Variants in PRMT8 observed in about 807,000 individuals in gnomAD.
PRMT8 encodes protein arginine N-methyltransferase 8.
PRMT8 carries 7 observed loss-of-function variants against 47.1 expected under a neutral mutation model. That is an observed-to-expected ratio of 0.15 (90% CI 0.08 to 0.28). The LOEUF (loss-of-function observed/expected upper bound fraction) is 0.28. Ranked by LOEUF, PRMT8 falls within the 10% of genes least tolerant of loss-of-function variation. PRMT8 has a pLI of 1.00. For synonymous variants in PRMT8, 188 were observed against 186.5 expected, an observed-to-expected ratio of 1.01 and a Z score of -0.07; for missense variants, 237 against 505.4, an observed-to-expected ratio of 0.47 and a Z score of 5.09.
intron 1 of PRMT8, among the ~76,000 whole-genome samples, chr12:3,413,289 C>A (rs1483711499): frequency 6.6e-6 from 1 of 152,186 alleles, no homozygotes; most frequent in African/African-American, 2.4e-5. Context: ...TTGCCTGCTG[C>A]CATATAGGAT....
intron 1 of PRMT8, among the ~76,000 whole-genome samples, chr12:3,437,426 G>T (rs1864755891): frequency 6.6e-6 from 1 of 151,816 alleles, no homozygotes; most frequent in African/African-American, 2.4e-5. Context: ...TAGGTACATT[G>T]TGCGTCCTAG....
intron 1 of PRMT8, among the ~76,000 whole-genome samples, chr12:3,474,310 T>G (rs1438843771): frequency 6.6e-6 from 1 of 152,188 alleles, no homozygotes; most frequent in Non-Finnish European, 1.5e-5. Flanking sequence ...TAAGCTTCTG[T>G]GTTTTTTTGT....
chr12:3,461,954 A>C (rs1190160970), intron 1 of PRMT8, among the ~76,000 whole-genome samples: 1 of 152,070 alleles, frequency 6.6e-6, no homozygotes, highest in Non-Finnish European at 1.5e-5. Context: ...AGATAAACTC[A>C]TGTCACGAGG....
chr12:3,506,868 T>C (rs1335434279), intron 1 of PRMT8, among the ~76,000 whole-genome samples: 1 of 151,222 alleles, frequency 6.6e-6, no homozygotes, highest in Non-Finnish European at 1.5e-5. Flanking sequence ...GAGGCATGGA[T>C]AGGAGGTAGG....
At chr12:3,544,282 T>A (rs1032387282) in intron 2 of PRMT8, among the ~76,000 whole-genome samples, 11 of 152,128 alleles carry the variant, frequency 7.2e-5, no homozygotes, top group African/African-American at 2.2e-4. Flanking sequence ...AGGGGAAGCC[T>A]TGCTAAGTCA....
At chr12:3,421,411 T>C (rs1864539210) in intron 1 of PRMT8, among the ~76,000 whole-genome samples, 1 of 152,178 alleles carries the variant, frequency 6.6e-6, no homozygotes, top group Admixed American at 6.5e-5. Flanking sequence ...GCCATCACCA[T>C]CCTGCCGGGG....
intron 8 of PRMT8, among the ~76,000 whole-genome samples, chr12:3,587,949 G>A (rs1867215421): frequency 6.6e-6 from 1 of 151,248 alleles, no homozygotes; most frequent in East Asian, 1.9e-4. Flanking sequence ...GGCAGCCAGT[G>A]GGCACGGTGC....
chr12:3,384,075 T>C (rs1420607896), intron 1 of PRMT8, among the ~76,000 whole-genome samples: 2 of 152,230 alleles, frequency 1.3e-5, no homozygotes, highest in African/African-American at 2.4e-5. Context: ...TATTCTTGTC[T>C]TATTGCACTG....
chr12:3,406,105 C>A (rs1037878580), intron 1 of PRMT8, among the ~76,000 whole-genome samples: 2 of 152,276 alleles, frequency 1.3e-5, no homozygotes, highest in African/African-American at 4.8e-5. Flanking sequence ...CACGTACCCA[C>A]AGGAGCAACA....
At chr12:3,449,250 C>G (rs1480371810) in intron 1 of PRMT8, among the ~76,000 whole-genome samples, 3 of 152,156 alleles carry the variant, frequency 2.0e-5, no homozygotes, top group African/African-American at 7.2e-5. Context: ...TGGGTATATA[C>G]CCAGTAATGG....
intron 1 of PRMT8, among the ~76,000 whole-genome samples, chr12:3,519,479 A>G (rs1865848005): frequency 6.6e-6 from 1 of 152,134 alleles, no homozygotes; most frequent in African/African-American, 2.4e-5. Flanking sequence ...GAACTGGGGG[A>G]TGCAAGTGAG....
rs1389265228 is a variant in PRMT8, at chr12:3,583,559, G to A, written c.979+351G>A. ...GGTGGGTATGGATGGAGTTGAATAA[G>A]CCTAGTCTGCACTGCCATGCCTCTG... On this transcript the variant is annotated intron_variant, in intron 8 of 9. Transcript: ENST00000382622. This position sits in a 1 kb window ranked among gnomAD's most constrained non-coding sequence, Gnocchi z 4.7. Among the ~76,000 whole-genome samples the A allele has an allele frequency of 6.6e-6, 1 of 152,184 alleles. No individual in the cohort carries two copies. The highest frequency in any genetic ancestry group is 1.9e-4 in the East Asian group (1 of 5,190).
intron 1 of PRMT8, among the ~76,000 whole-genome samples, chr12:3,398,038 G>GT (rs1269631357): frequency 1.3e-5 from 2 of 152,212 alleles, no homozygotes; most frequent in Non-Finnish European, 2.9e-5. Flanking sequence ...CGCTTCCCGA[G>GT]GAGGCAATGC....
intron 1 of PRMT8, among the ~76,000 whole-genome samples, chr12:3,418,093 C>T (rs183378261): frequency 6.6e-6 from 1 of 152,334 alleles, no homozygotes; most frequent in African/African-American, 2.4e-5. Flanking sequence ...ACTCAATAAA[C>T]ATTCTCTATC....
At chr12:3,555,502 G>A (rs1329609922) in intron 4 of PRMT8, among the ~76,000 whole-genome samples, 1 of 152,224 alleles carries the variant, frequency 6.6e-6, no homozygotes, top group Non-Finnish European at 1.5e-5. Context: ...AGGGATCAGA[G>A]AGGGAGGAGG....
Position 3,456,636 on chromosome 12 carries a change from G to A in PRMT8, c.48+75194G>A, listed in dbSNP as rs113320182. Among the ~76,000 whole-genome samples, 1 of 152,330 alleles carries A rather than the reference G, an allele frequency of 6.6e-6. No individual in the cohort carries two copies. Among genetic ancestry groups the A allele is most frequent in the Admixed American group, 6.5e-5 (1 of 15,310 alleles). On this transcript the variant is annotated intron_variant, in intron 1 of 9. Transcript: ENST00000452611. This position sits in a 1 kb window ranked among gnomAD's most constrained non-coding sequence, Gnocchi z 4.2. ...GGGTGAGGATGAAAGGCGAGGGAAT[G>A]AGTGGACAGTGGGGAAGCTGACCTT...
chr12:3,497,786 A>C (rs974241976), intron 1 of PRMT8, among the ~76,000 whole-genome samples: 6 of 152,180 alleles, frequency 3.9e-5, no homozygotes, highest in African/African-American at 1.4e-4. Flanking sequence ...TCTCTTTTTA[A>C]AGTGTAATTT....
At chr12:3,422,463 A>G (rs1397552477) in intron 1 of PRMT8, among the ~76,000 whole-genome samples, 1 of 152,188 alleles carries the variant, frequency 6.6e-6, no homozygotes, top group Non-Finnish European at 1.5e-5. Context: ...TGGCAGACTC[A>G]CATATCCAAA....
intron 8 of PRMT8, among the ~76,000 whole-genome samples, chr12:3,590,040 T>G (rs948006762): frequency 6.6e-6 from 1 of 152,194 alleles, no homozygotes; most frequent in African/African-American, 2.4e-5. Flanking sequence ...AGATGGTTGT[T>G]GGGAGCAGGT....
Sources: gnomAD v4.1 joint callset for allele counts (sites outside exome capture counted in the v4.1 genomes callset) on GRCh38, gnomAD v4.1.1 for gene constraint, Gnocchi (gnomAD v3.1) non-coding constraint, MANE v1.5 for transcripts, NCBI Gene and HGNC (gene_info 2026-07-23, HGNC 2026-07-21) for gene names.